ZAP70: variants seen among roughly 807,000 people sequenced by gnomAD.
ZAP70 encodes tyrosine-protein kinase ZAP-70.
In ZAP70, 27 loss-of-function variants were observed where a neutral mutation model predicts 65.8. The ratio of observed to expected loss-of-function variants is 0.41; its 90% CI spans 0.30 to 0.57. The LOEUF (loss-of-function observed/expected upper bound fraction) is 0.57, where lower values mean the gene tolerates loss of function less well. Among genes scored for constraint, ZAP70 ranks in the 20% least tolerant of loss-of-function variants. The probability of loss-of-function intolerance (pLI) is 0.28; values close to 1 mark genes in which losing one functional copy is unlikely to be tolerated. For missense variants in ZAP70, 696 were observed against 870.5 expected (o/e 0.80, Z 2.52); for synonymous variants, 363 against 360.8 (o/e 1.01, Z -0.07).
chr2:97,721,580 A>ATTTTTTTTTTTTT (rs796509420), intron 2 of ZAP70, among the ~76,000 whole-genome samples: 343 of 81,154 alleles, frequency 4.2e-3, no homozygotes, highest in Non-Finnish European at 6.3e-3. Flanking sequence ...TGGCTGGCTG[A>ATTTTTTTTTTTTT]TTTTTTTTTT....
chr2:97,717,408 C>T (rs1483901070), intron 2 of ZAP70, among the ~76,000 whole-genome samples: 1 of 143,454 alleles, frequency 7.0e-6, no homozygotes, highest in African/African-American at 2.7e-5. Context: ...CATGCGGAGC[C>T]TCTGAGCCTC....
At chr2:97,717,397 A>C (rs1191037621) in intron 2 of ZAP70, among the ~76,000 whole-genome samples, 7 of 130,120 alleles carry the variant, frequency 5.4e-5, no homozygotes, top group African/African-American at 2.3e-4. Flanking sequence ...GGCTGGGGGG[A>C]CATGCGGAGC....
chr2:97,754,465 T>C, the ZAP70 span, among the ~76,000 whole-genome samples: 5 of 152,126 alleles, frequency 3.3e-5, no homozygotes, highest in African/African-American at 4.8e-5. Context: ...TGCAGTGGTA[T>C]GATCTTGGCT....
chr2:97,724,500 G>C (rs1677297161), intron 3 of ZAP70, 62 bp downstream of exon 3: 5 of 1,510,504 alleles, frequency 3.3e-6, no homozygotes. Context: ...GCAGTCGAGG[G>C]TTTTGGGGGG....
At chr2:97,749,103 G>A in the ZAP70 span, among the ~76,000 whole-genome samples, 464 of 147,386 alleles carry the variant, frequency 3.1e-3, 1 homozygote, top group African/African-American at 0.011. Flanking sequence ...TCCGCCTCCC[G>A]GGTTCACGAC....
At chr2:97,722,044 A>C (rs970044369) in intron 2 of ZAP70, among the ~76,000 whole-genome samples, 8 of 151,266 alleles carry the variant, frequency 5.3e-5, no homozygotes, top group African/African-American at 1.5e-4. Context: ...TGGCCTCCCA[A>C]AGTGCTGGGA....
At chr2:97,722,049 C>T (rs1215377785) in intron 2 of ZAP70, among the ~76,000 whole-genome samples, 2 of 151,978 alleles carry the variant, frequency 1.3e-5, no homozygotes, top group African/African-American at 4.8e-5. Context: ...TCCCAAAGTG[C>T]TGGGATTACA....
At chr2:97,730,118 T>C (rs1677542693) in intron 4 of ZAP70, among the ~76,000 whole-genome samples, 2 of 152,064 alleles carry the variant, frequency 1.3e-5, no homozygotes, top group Admixed American at 1.3e-4. Context: ...TCCCAGCTAC[T>C]TGGGAGGCTG....
chr2:97,750,276 C>T, the ZAP70 span, among the ~76,000 whole-genome samples: 1 of 152,180 alleles, frequency 6.6e-6, no homozygotes, highest in Non-Finnish European at 1.5e-5. Flanking sequence ...CTCCCTGCAG[C>T]AAGGGGGACC....
rs1035240517 is a variant in ZAP70 at position 97,725,022 on chromosome 2, C to G, written c.403-70C>G. ...GGGTGGGGAGTCCTCTGGGACAGGG[C>G]TCCCGGAAGGGGGTTCCTGTGGCGA... On this transcript the variant is annotated intron_variant, in intron 3 of 13. Coordinates refer to ENST00000264972, the MANE Select transcript of ZAP70 (RefSeq NM_001079.4). 1.1e-5 allele frequency: 17 copies of G among 1,599,774 alleles called. No individual in the cohort carries two copies. In the African/African-American group the frequency reaches 2.0e-4, roughly 19 times the overall value.
At chr2:97,721,820 G>A (rs892027738) in intron 2 of ZAP70, among the ~76,000 whole-genome samples, 17 of 149,386 alleles carry the variant, frequency 1.1e-4, no homozygotes, top group African/African-American at 1.5e-4. Flanking sequence ...TCGCACTGTC[G>A]CCCCAGCTGG....
At chr2:97,743,800 A>G (rs1056404275), downstream of ZAP70, among the ~76,000 whole-genome samples, 1 of 152,142 alleles carries the variant, frequency 6.6e-6, no homozygotes, top group South Asian at 2.1e-4. Context: ...TTGTGAATCC[A>G]TTGTCTCTTC....
At position 97,724,020 on chromosome 2, in the gene ZAP70, C is replaced by T. The variant is rs201403055; in HGVS notation, c.-17C>T. On this transcript the variant is annotated 5_prime_UTR_variant, in exon 3 of 14. Coordinates refer to ENST00000264972, the MANE Select transcript of ZAP70 (RefSeq NM_001079.4). ...CGACCCTCTGTGAACCCGCAGGTTT[C>T]GGGAGGCCCAGGGGCGATGCCAGAC... 12 of 1,544,824 alleles carry T rather than the reference C, an allele frequency of 7.8e-6. No homozygotes were observed. The highest frequency in any genetic ancestry group is 1.2e-5 in the South Asian group (1 of 84,518).
chr2:97,726,719 G>A (rs1022784823), intron 4 of ZAP70, among the ~76,000 whole-genome samples: 1 of 152,266 alleles, frequency 6.6e-6, no homozygotes, highest in African/African-American at 2.4e-5. Flanking sequence ...GATTTAGGCT[G>A]TAAATTGGAG....
chr2:97,747,815 G>GTTTTTT, the ZAP70 span, among the ~76,000 whole-genome samples: 279 of 54,838 alleles, frequency 5.1e-3, 13 homozygotes, highest in Non-Finnish European at 5.7e-3. Flanking sequence ...CTGGCACGAG[G>GTTTTTT]TTTTTTTTTT....
the ZAP70 span, among the ~76,000 whole-genome samples, chr2:97,755,729 C>G: frequency 6.6e-6 from 1 of 151,882 alleles, no homozygotes; most frequent in African/African-American, 2.4e-5. Flanking sequence ...TCCCTCTGTG[C>G]CCCTGCTGTC....
rs1012402552 is a variant in ZAP70, at chr2:97,731,690, G to T, written c.564-1193G>T. ...TGCAAGGTGGGCCCATGGCTGCCTT[G>T]CTCACTGCCATATCCCTGCGCTGAG... On this transcript the variant is annotated intron_variant, in intron 4 of 13. Coordinates refer to ENST00000264972, the MANE Select transcript of ZAP70 (RefSeq NM_001079.4). This position sits in a 1 kb window ranked among gnomAD's most constrained non-coding sequence, Gnocchi z 4.0. Among the ~76,000 whole-genome samples the T allele has an allele frequency of 3.5e-4, 53 of 152,306 alleles. No individual in the cohort carries two copies. The highest frequency in any genetic ancestry group is 9.9e-4 in the African/African-American group (41 of 41,564).
intron 3 of ZAP70, 44 bp downstream of exon 3, chr2:97,724,482 G>A (rs767294957): frequency 2.0e-6 from 3 of 1,509,952 alleles, no homozygotes; most frequent in Non-Finnish European, 2.7e-6. Flanking sequence ...GGGCGTGGCC[G>A]AAGAGGGGCA....
the ZAP70 span, among the ~76,000 whole-genome samples, chr2:97,747,824 T>G: frequency 1.6e-5 from 2 of 126,030 alleles, no homozygotes; most frequent in African/African-American, 6.2e-5. Context: ...GGTTTTTTTT[T>G]TTTTTTTTTT....
Sources: gnomAD v4.1 joint callset for allele counts (sites outside exome capture counted in the v4.1 genomes callset) on GRCh38, gnomAD v4.1.1 for gene constraint, Gnocchi (gnomAD v3.1) non-coding constraint, MANE v1.5 for transcripts, NCBI Gene and HGNC (gene_info 2026-07-23, HGNC 2026-07-21) for gene names.